DRC8: variants seen among roughly 807,000 people sequenced by gnomAD.
DRC8 encodes dynein regulatory complex subunit 8, also known as dynein regulatory complex protein 8.
At chr1:245,044,004 CA>C in the DRC8 span, 1 of 152,176 alleles carries the variant, frequency 6.6e-6, no homozygotes, top group African/African-American at 2.4e-5. Flanking sequence ...CAGGCTGGCA[CA>C]CACATTTGTG....
chr1:244,980,040 T>TAAAAAAAAAAAAAAAAAAAAAAAA, the DRC8 span, among the ~76,000 whole-genome samples: 1 of 34,736 alleles, frequency 2.9e-5, no homozygotes, highest in Non-Finnish European at 4.7e-5. Flanking sequence ...CCGTCTCTAC[T>TAAAAAAAAAAAAAAAAAAAAAAAA]AAAAAAAAAA....
At chr1:245,019,651 G>T in the DRC8 span, among the ~76,000 whole-genome samples, 2 of 151,954 alleles carry the variant, frequency 1.3e-5, no homozygotes, top group Non-Finnish European at 1.5e-5. Context: ...GGTATTACAG[G>T]TGTGAGCCAC....
At chr1:245,060,788 A>T in the DRC8 span, among the ~76,000 whole-genome samples, 2 of 152,278 alleles carry the variant, frequency 1.3e-5, no homozygotes, top group African/African-American at 4.8e-5. Context: ...GAGGATCTCT[A>T]GAGTCTAGTC....
chr1:244,972,120 A>G, the DRC8 span, among the ~76,000 whole-genome samples: 1 of 152,180 alleles, frequency 6.6e-6, no homozygotes, highest in Admixed American at 6.5e-5. Context: ...AGCTTTCCTG[A>G]TTTTTCAGCT....
At chr1:245,034,258 A>G in the DRC8 span, among the ~76,000 whole-genome samples, 2 of 152,374 alleles carry the variant, frequency 1.3e-5, no homozygotes, top group Admixed American at 1.3e-4. Flanking sequence ...TAGGAAAATT[A>G]AATTGAAAAC....
chr1:245,118,792 C>T, the DRC8 span, among the ~76,000 whole-genome samples: 3 of 33,712 alleles, frequency 8.9e-5, no homozygotes, highest in East Asian at 1.9e-3. Flanking sequence ...AACGCCATCT[C>T]AAAAAAAGAA....
the DRC8 span, among the ~76,000 whole-genome samples, chr1:245,118,904 C>A: frequency 6.6e-6 from 1 of 152,092 alleles, no homozygotes; most frequent in African/African-American, 2.4e-5. Context: ...AAGGAGAGAA[C>A]TTTACTTGCA....
chr1:244,976,414 G>C, the DRC8 span, among the ~76,000 whole-genome samples: 1 of 152,100 alleles, frequency 6.6e-6, no homozygotes, highest in African/African-American at 2.4e-5. Context: ...ATCCGGTTAA[G>C]ACTAAGCAAA....
At chr1:245,050,013 A>T in the DRC8 span, among the ~76,000 whole-genome samples, 1 of 152,198 alleles carries the variant, frequency 6.6e-6, no homozygotes, top group Non-Finnish European at 1.5e-5. Context: ...CACGCGTAAT[A>T]AGTCACTGTA....
chr1:245,113,257 T>G, the DRC8 span, among the ~76,000 whole-genome samples: 1 of 152,150 alleles, frequency 6.6e-6, no homozygotes, highest in East Asian at 1.9e-4. Flanking sequence ...AAAATGCCAG[T>G]GTTATGAGGT....
chr1:245,082,263 A>C, the DRC8 span: 1 of 1,067,776 alleles, frequency 9.4e-7, no homozygotes. Flanking sequence ...GTTATACTCA[A>C]GCAGTGTGTC....
the DRC8 span, among the ~76,000 whole-genome samples, chr1:245,024,716 G>A: frequency 6.6e-6 from 1 of 151,934 alleles, no homozygotes; most frequent in Middle Eastern, 3.4e-3. Context: ...GCTAATTTTT[G>A]TATTTTTAGT....
the DRC8 span, among the ~76,000 whole-genome samples, chr1:245,011,887 GT>G: frequency 6.6e-6 from 1 of 152,094 alleles, no homozygotes; most frequent in Non-Finnish European, 1.5e-5. Context: ...AATATTCAGA[GT>G]TTTCCAGACA....
chr1:245,115,204 C>T, the DRC8 span, among the ~76,000 whole-genome samples: 4 of 152,068 alleles, frequency 2.6e-5, no homozygotes, highest in African/African-American at 9.7e-5. Flanking sequence ...CACGCCACTT[C>T]ACCTGGCTAA....
chr1:244,998,672 C>G, the DRC8 span, among the ~76,000 whole-genome samples: 43 of 152,246 alleles, frequency 2.8e-4, no homozygotes, highest in African/African-American at 1.0e-3. Flanking sequence ...CTCACAAAAT[C>G]AACAGGGAAG....
At chr1:245,077,878 C>T in the DRC8 span, among the ~76,000 whole-genome samples, 2 of 152,064 alleles carry the variant, frequency 1.3e-5, no homozygotes, top group Admixed American at 1.3e-4. Flanking sequence ...AGTGGCACTA[C>T]ATCAAACTAA....
At chr1:245,024,551 C>CTTTT in the DRC8 span, among the ~76,000 whole-genome samples, 1 of 140,732 alleles carries the variant, frequency 7.1e-6, no homozygotes, top group Non-Finnish European at 1.5e-5. Flanking sequence ...TTTTCTTTCT[C>CTTTT]TTTTTTTTTT....
At chr1:245,004,421 TA>T in the DRC8 span, among the ~76,000 whole-genome samples, 2 of 108,700 alleles carry the variant, frequency 1.8e-5, no homozygotes, top group Admixed American at 2.0e-4. Context: ...CTTAGAATGA[TA>T]CTTTTTTTTT....
chr1:244,970,711 T>TC, the DRC8 span: 3 of 442,226 alleles, frequency 6.8e-6, no homozygotes, highest in African/African-American at 6.1e-5. Context: ...CTCTTCTCTC[T>TC]CCCCTCCTCC....
Sources: gnomAD v4.1 joint callset for allele counts (sites outside exome capture counted in the v4.1 genomes callset) on GRCh38, gnomAD v4.1.1 for gene constraint, MANE v1.5 for transcripts, NCBI Gene and HGNC (gene_info 2026-07-23, HGNC 2026-07-21) for gene names.